Variants in TNNI3K observed in about 807,000 individuals in gnomAD.
TNNI3K encodes the protein TNNI3 interacting kinase, also known as serine/threonine-protein kinase TNNI3K.
In TNNI3K, 140 loss-of-function variants were observed where a neutral mutation model predicts 114.5. That is an observed-to-expected ratio of 1.22 (90% CI 1.07 to 1.41). The LOEUF is 1.41. Among genes scored for constraint, TNNI3K ranks in the 40% most tolerant of loss-of-function variants. The pLI, the probability that TNNI3K is intolerant of heterozygous loss-of-function variation, is 0.00. For synonymous variants in TNNI3K, 347 were observed against 347.5 expected, an observed-to-expected ratio of 1.00 and a Z score of 0.02; for missense variants, 1,125 against 1,007.6, an observed-to-expected ratio of 1.12 and a Z score of -1.58.
intron 17 of TNNI3K, among the ~76,000 whole-genome samples, chr1:74,405,118 C>G (rs1472888886): frequency 6.6e-6 from 1 of 152,066 alleles, no homozygotes; most frequent in Non-Finnish European, 1.5e-5. Flanking sequence ...CTAACCCTGC[C>G]TGGAAGATAG....
At chr1:74,318,824 A>G (rs1659456262) in intron 5 of TNNI3K, among the ~76,000 whole-genome samples, 1 of 152,244 alleles carries the variant, frequency 6.6e-6, no homozygotes, top group Non-Finnish European at 1.5e-5. Flanking sequence ...TAGAATAGCT[A>G]GGTACTCAAA....
intron 20 of TNNI3K, among the ~76,000 whole-genome samples, chr1:74,453,411 T>C (rs568575805): frequency 6.6e-6 from 1 of 152,306 alleles, no homozygotes; most frequent in African/African-American, 2.4e-5. Flanking sequence ...CAATAAATTA[T>C]GTGAAGCATC....
At chr1:74,374,005 C>T (rs1331097120) in intron 17 of TNNI3K, 1 of 151,924 alleles carries the variant, frequency 6.6e-6, no homozygotes, top group Admixed American at 6.6e-5. Context: ...TTCCTATGCA[C>T]ATCCTCTCCT....
intron 7 of TNNI3K, chr1:74,341,555 T>G (rs1239243324): frequency 6.6e-6 from 1 of 151,644 alleles, no homozygotes; most frequent in Non-Finnish European, 1.5e-5. Context: ...TTTTTGTTTT[T>G]GTTTCTGTTT....
At chr1:74,527,909 T>C (rs1336716272) in intron 23 of TNNI3K, among the ~76,000 whole-genome samples, 1 of 152,126 alleles carries the variant, frequency 6.6e-6, no homozygotes, top group African/African-American at 2.4e-5. Flanking sequence ...TGGGTGGCAC[T>C]GCCTGGCAGA....
chr1:74,460,629 A>G (rs1475917188), intron 20 of TNNI3K, among the ~76,000 whole-genome samples: 1 of 152,230 alleles, frequency 6.6e-6, no homozygotes, highest in African/African-American at 2.4e-5. Flanking sequence ...CTGAATCTGT[A>G]ATACCAGAAA....
intron 4 of TNNI3K, among the ~76,000 whole-genome samples, chr1:74,268,017 T>A (rs1273832562): frequency 2.0e-5 from 3 of 151,974 alleles, no homozygotes; most frequent in African/African-American, 7.2e-5. Flanking sequence ...AAATAGACAT[T>A]CATTAATAAA....
intron 23 of TNNI3K, among the ~76,000 whole-genome samples, chr1:74,530,212 A>C (rs1282657792): frequency 6.6e-6 from 1 of 152,216 alleles, no homozygotes; most frequent in Non-Finnish European, 1.5e-5. Flanking sequence ...TATATAGCAC[A>C]GCTCCTGGCA....
rs952733077 is a variant in TNNI3K at position 74,297,220 on chromosome 1, C to T, written c.444+25512C>T. On this transcript the variant is annotated intron_variant, in intron 5 of 24. Transcript: ENST00000326637. ...AGTTTCTGTGATGGTGGAAATTCTGCGCTGCTCATTTGGTTACTGTAGTCA... is the reference window on the plus strand; with the variant it reads ...AGTTTCTGTGATGGTGGAAATTCTGTGCTGCTCATTTGGTTACTGTAGTCA... 7.2e-5 allele frequency among the ~76,000 whole-genome samples: 11 copies of T among 152,214 alleles called. No individual in the cohort carries two copies. The East Asian group carries it at 1.4e-3, about 19-fold the overall frequency.
intron 20 of TNNI3K, among the ~76,000 whole-genome samples, chr1:74,457,688 A>T (rs909716292): frequency 6.6e-6 from 1 of 152,198 alleles, no homozygotes; most frequent in African/African-American, 2.4e-5. Context: ...TCTCTTTTTA[A>T]TCTTTTTAAT....
intron 17 of TNNI3K, among the ~76,000 whole-genome samples, chr1:74,409,771 G>T (rs1435352058): frequency 6.6e-6 from 1 of 152,078 alleles, no homozygotes; most frequent in Non-Finnish European, 1.5e-5. Flanking sequence ...AGGGATTACA[G>T]GCGTGAGCCA....
intron 4 of TNNI3K, among the ~76,000 whole-genome samples, chr1:74,268,190 T>C (rs1656120941): frequency 1.2e-3 from 1 of 838 alleles, no homozygotes; most frequent in Admixed American, 0.038. Context: ...AAATCTATCA[T>C]ATTTTCTATT....
At chr1:74,465,903 A>G (rs1397915332) in intron 21 of TNNI3K, among the ~76,000 whole-genome samples, 3 of 152,194 alleles carry the variant, frequency 2.0e-5, no homozygotes, top group Non-Finnish European at 2.9e-5. Context: ...AGATAAGGGA[A>G]TAAAAGCAGG....
intron 5 of TNNI3K, among the ~76,000 whole-genome samples, chr1:74,309,065 C>T (rs1251188966): frequency 6.6e-6 from 1 of 151,970 alleles, no homozygotes; most frequent in African/African-American, 2.4e-5. Context: ...CTGAATTCTT[C>T]CAGGTGTAAA....
At chr1:74,541,562 A>G (rs1646727166) in intron 24 of TNNI3K, 1 of 152,198 alleles carries the variant, frequency 6.6e-6, no homozygotes, top group African/African-American at 2.4e-5. Context: ...CACAAAACAT[A>G]GGGCATCCTT....
chr1:74,378,610 A>ATG (rs1553138840), intron 17 of TNNI3K: 1 of 69,952 alleles, frequency 1.4e-5, no homozygotes, highest in Non-Finnish European at 2.9e-5. Flanking sequence ...ATATATATAT[A>ATG]TATATATATA....
intron 2 of TNNI3K, among the ~76,000 whole-genome samples, chr1:74,239,184 C>A (rs187420241): frequency 6.6e-6 from 1 of 152,084 alleles, no homozygotes; most frequent in Non-Finnish European, 1.5e-5. Flanking sequence ...GAATAATCTG[C>A]TTTTGTCTGA....
intron 23 of TNNI3K, among the ~76,000 whole-genome samples, chr1:74,536,585 A>G (rs1165522976): frequency 6.6e-6 from 1 of 152,148 alleles, no homozygotes; most frequent in East Asian, 1.9e-4. Flanking sequence ...AATATATACT[A>G]ATATAACATG....
chr1:74,450,437 A>C lies in TNNI3K; in HGVS notation c.2011+10815A>C, dbSNP rs61054310. Among the ~76,000 whole-genome samples, 208 of 152,318 alleles carry C rather than the reference A, an allele frequency of 1.4e-3. 2 individuals are homozygous for C. The highest frequency in any genetic ancestry group is 4.8e-3 in the African/African-American group (198 of 41,558). Reference sequence around the variant, plus strand: ...GAACTAAACTAAAGAACTTCTGCACAGCAAAAGAAGCTATCGTCAGAGTGA... The same window carrying C: ...GAACTAAACTAAAGAACTTCTGCACCGCAAAAGAAGCTATCGTCAGAGTGA... On this transcript the variant is annotated intron_variant, in intron 20 of 24. Coordinates refer to ENST00000326637, the MANE Select transcript of TNNI3K (RefSeq NM_015978.3).
Sources: gnomAD v4.1 joint callset for allele counts (sites outside exome capture counted in the v4.1 genomes callset) on GRCh38, gnomAD v4.1.1 for gene constraint, MANE v1.5 for transcripts, NCBI Gene and HGNC (gene_info 2026-07-23, HGNC 2026-07-21) for gene names.